The following COL24A1 variants were observed in gnomAD, a reference collection of about 807,000 sequenced individuals.
COL24A1 encodes collagen alpha-1(XXIV) chain.
Under a neutral mutation model 253.9 loss-of-function variants are expected in COL24A1, and 224 were observed. The ratio of observed to expected loss-of-function variants is 0.88; its 90% CI spans 0.79 to 0.99. COL24A1 has a LOEUF of 0.99. COL24A1 is among the 50% of genes least tolerant of loss of function. The probability of loss-of-function intolerance (pLI) is 0.00; values close to 1 mark genes in which losing one functional copy is unlikely to be tolerated. For synonymous variants in COL24A1, 685 were observed against 673.7 expected (o/e 1.02, Z -0.26); for missense variants, 2,131 against 2,068.5 (o/e 1.03, Z -0.59).
intron 14 of COL24A1, among the ~76,000 whole-genome samples, chr1:86,028,711 A>G (rs1698275180): frequency 6.6e-6 from 1 of 152,230 alleles, no homozygotes; most frequent in African/African-American, 2.4e-5. Flanking sequence ...TCTTCCCATG[A>G]ACTGAAAGGT....
chr1:85,889,888 A>C, intron 31 of COL24A1, among the ~76,000 whole-genome samples: 1 of 152,212 alleles, frequency 6.6e-6, no homozygotes, highest in East Asian at 1.9e-4. Context: ...CTCTGTACCC[A>C]TTAAATACTA....
intron 37 of COL24A1, among the ~76,000 whole-genome samples, chr1:85,861,726 G>A (rs879608123): frequency 6.6e-5 from 10 of 151,862 alleles, no homozygotes; most frequent in South Asian, 2.1e-4. Flanking sequence ...CCTGTAATTC[G>A]TTTCATTTCT....
chr1:86,072,991 A>G (rs1019431201), intron 7 of COL24A1, among the ~76,000 whole-genome samples: 1 of 152,228 alleles, frequency 6.6e-6, no homozygotes, highest in East Asian at 1.9e-4. Flanking sequence ...ATCAAAGACC[A>G]AAGGTAGATA....
At chr1:86,117,138 C>T (rs972377982) in intron 3 of COL24A1, among the ~76,000 whole-genome samples, 6 of 152,176 alleles carry the variant, frequency 3.9e-5, no homozygotes, top group Non-Finnish European at 8.8e-5. Context: ...TGTCTCACTA[C>T]TTGTGACAAA....
intron 19 of COL24A1, among the ~76,000 whole-genome samples, chr1:86,005,485 T>C (rs1053744164): frequency 6.6e-6 from 1 of 151,988 alleles, no homozygotes; most frequent in Non-Finnish European, 1.5e-5. Flanking sequence ...AAATAATTAT[T>C]GGGTGAGAAG....
chr1:85,807,605 T>C (rs12239481), intron 47 of COL24A1, among the ~76,000 whole-genome samples: 3,186 of 152,198 alleles, frequency 0.021, 120 homozygotes, highest in African/African-American at 0.073. Flanking sequence ...AAATTGTAGG[T>C]CTTATAGATA....
At position 85,776,414 on chromosome 1, in the gene COL24A1, G is replaced by T. The variant is rs560943848; in HGVS notation, c.4339-705C>A. Among the ~76,000 whole-genome samples the T allele has an allele frequency of 3.3e-5, 5 of 152,026 alleles. No homozygotes were observed. The East Asian group carries it at 9.7e-4, about 29-fold the overall frequency. ...CTTGAAACGAATGTAGTTTGCCATT[G>T]CTGGGTGGACCTACTGCTTTTAAAA... On this transcript the variant is annotated intron_variant, in intron 52 of 59. Coordinates refer to ENST00000370571, the MANE Select transcript of COL24A1 (RefSeq NM_152890.7).
intron 5 of COL24A1, among the ~76,000 whole-genome samples, chr1:86,094,359 AG>A (rs1271026350): frequency 6.6e-6 from 1 of 152,086 alleles, no homozygotes; most frequent in African/African-American, 2.4e-5. Context: ...GGATGGAGCT[AG>A]AAATCATTAT....
intron 7 of COL24A1, 42 bp downstream of exon 7, chr1:86,089,132 A>C (rs2101957134): frequency 6.6e-7 from 1 of 1,522,138 alleles, no homozygotes; most frequent in Non-Finnish European, 8.9e-7. Context: ...AAAAAAAAGA[A>C]AAAAAGAAGA....
intron 55 of COL24A1, among the ~76,000 whole-genome samples, chr1:85,747,643 T>G (rs1665392974): frequency 6.6e-6 from 1 of 152,172 alleles, no homozygotes; most frequent in Admixed American, 6.5e-5. Context: ...CTCATATTTG[T>G]TTTTGTATTC....
intron 57 of COL24A1, among the ~76,000 whole-genome samples, chr1:85,740,602 C>G (rs2100876853): frequency 6.6e-6 from 1 of 152,136 alleles, no homozygotes; most frequent in African/African-American, 2.4e-5. Flanking sequence ...GGACCACAGG[C>G]ACATTCCACC....
chr1:86,015,730 C>A (rs998277905), intron 19 of COL24A1, among the ~76,000 whole-genome samples: 1 of 152,040 alleles, frequency 6.6e-6, no homozygotes, highest in African/African-American at 2.4e-5. Context: ...AAATTGTAGG[C>A]TCATATGGAG....
chr1:85,944,249 GT>G (rs1207518617), intron 24 of COL24A1, among the ~76,000 whole-genome samples: 2 of 152,116 alleles, frequency 1.3e-5, no homozygotes, highest in Non-Finnish European at 2.9e-5. Context: ...GGTGACATAA[GT>G]TTTTATATAT....
chr1:86,127,675 GA>G (rs879610958), intron 2 of COL24A1, among the ~76,000 whole-genome samples: 252 of 91,454 alleles, frequency 2.8e-3, no homozygotes, highest in Admixed American at 9.8e-3. Flanking sequence ...TGTGATAAGT[GA>G]AAAAAATAAA....
intron 3 of COL24A1, among the ~76,000 whole-genome samples, chr1:86,122,696 A>T (rs541965496): frequency 1.3e-5 from 2 of 151,910 alleles, no homozygotes; most frequent in Non-Finnish European, 2.9e-5. Flanking sequence ...GGTCCCATTA[A>T]TTTCCTAGTT....
rs1342081264 is a variant in COL24A1 at position 85,868,567 on chromosome 1, T to A, written c.3252A>T (p.Leu1084Phe). 1 of 1,613,944 alleles carries A rather than the reference T, an allele frequency of 6.2e-7. No individual in the cohort carries two copies. Among genetic ancestry groups the A allele is most frequent in the African/African-American group, 1.3e-5 (1 of 75,038 alleles). The change falls in exon 37 of 60, where the codon TTA (leucine) becomes TTT (phenylalanine). Residue 1084 changes from leucine to phenylalanine, a missense_variant. Transcript: ENST00000370571. ...GEDGEKGEMG[L>F]PGIIGPLGRS... ...TACCCAAGGGTCCTATAATTCCTGGTAAGCCCATCTCTCCTTTTTCTCCAT... is the reference window on the plus strand; with the variant it reads ...TACCCAAGGGTCCTATAATTCCTGGAAAGCCCATCTCTCCTTTTTCTCCAT...
At chr1:85,984,056 C>A (rs548615806) in intron 20 of COL24A1, among the ~76,000 whole-genome samples, 2 of 151,848 alleles carry the variant, frequency 1.3e-5, no homozygotes, top group East Asian at 3.9e-4. Context: ...GCTTTCAAGT[C>A]TTTTGCCCCA....
chr1:86,089,764 G>A lies in COL24A1; in HGVS notation c.1654-537C>T, dbSNP rs577384710. 1.1e-3 allele frequency among the ~76,000 whole-genome samples: 171 copies of A among 152,332 alleles called. 1 individual carries two copies. Among genetic ancestry groups the A allele is most frequent in the Non-Finnish European group, 2.8e-4 (19 of 68,030 alleles). On this transcript the variant is annotated intron_variant, in intron 6 of 59. Coordinates refer to ENST00000370571, the MANE Select transcript of COL24A1 (RefSeq NM_152890.7). The stretch of plus-strand genomic sequence containing the variant: ...GAACCCGGGAGGCAGAGGTTGCAGT[G>A]AGCCAAGATCTCGCCACTGCACTCC...
chr1:85,841,150 T>C (rs575085334), intron 42 of COL24A1, 72 bp downstream of exon 42: 562 of 1,026,494 alleles, frequency 5.5e-4, no homozygotes, highest in Non-Finnish European at 7.4e-4. Context: ...AAAGATTTAA[T>C]TGGTGTTGTG....
Sources: allele counts gnomAD v4.1 joint callset (sites outside exome capture counted in the v4.1 genomes callset), GRCh38; gene constraint gnomAD v4.1.1; transcripts MANE v1.5; gene names NCBI Gene and HGNC (gene_info 2026-07-23, HGNC 2026-07-21).